Variants in HMBOX1 observed in about 807,000 individuals in gnomAD.
HMBOX1 encodes the protein homeobox-containing protein 1.
HMBOX1 carries 14 observed loss-of-function variants against 54.5 expected under a neutral mutation model. That is an observed-to-expected ratio of 0.26 (90% confidence interval 0.17 to 0.40). The LOEUF is 0.40. HMBOX1 is among the 10% of genes least tolerant of loss of function. The probability of loss-of-function intolerance (pLI) is 1.00; values close to 1 mark genes in which losing one functional copy is unlikely to be tolerated. For synonymous variants in HMBOX1, 160 were observed against 181.0 expected (o/e 0.88, Z 0.93); for missense variants, 332 against 514.4 (o/e 0.65, Z 3.43).
intron 1 of HMBOX1, among the ~76,000 whole-genome samples, chr8:28,950,229 G>C (rs1349530161): frequency 2.0e-5 from 3 of 152,088 alleles, no homozygotes; most frequent in South Asian, 2.1e-4. Flanking sequence ...AATTATCTTA[G>C]AAGCCGTTTA....
At position 28,973,822 on chromosome 8, in the gene HMBOX1, T is replaced by TTG. The variant is rs1563502057; in HGVS notation, c.500+3304_500+3305insGT. 3.1e-4 allele frequency among the ~76,000 whole-genome samples: 42 copies of TTG among 133,650 alleles called. 1 individual carries two copies. The highest frequency in any genetic ancestry group is 1.5e-3 in the Admixed American group (20 of 13,398). 87.7% of individuals were successfully genotyped at this position (133,650 alleles called of 152,430 possible). A position where few individuals can be genotyped will look rare whatever the true frequency, so the allele number is the denominator to read the frequency against. On this transcript the variant is annotated intron_variant, in intron 3 of 9. Transcript: ENST00000287701. ...AATGGAGTTTTTTTTTTTTTTTTTT[T>TTG]TTTTTTTTTTTTGAGACAGTCTCGC...
chr8:29,046,056 TTAAACA>T (rs1255618979), intron 7 of HMBOX1, among the ~76,000 whole-genome samples: 4 of 152,264 alleles, frequency 2.6e-5, no homozygotes, highest in Non-Finnish European at 5.9e-5. Context: ...ACAGATTTTG[TTAAACA>T]TAAACCATTT....
intron 4 of HMBOX1, among the ~76,000 whole-genome samples, chr8:29,008,373 T>C (rs2132828525): frequency 6.6e-6 from 1 of 152,316 alleles, no homozygotes; most frequent in South Asian, 2.1e-4. Flanking sequence ...TTCTTGGAGA[T>C]AGCAGAAAAC....
At chr8:28,963,515 G>A (rs1825951667) in intron 1 of HMBOX1, among the ~76,000 whole-genome samples, 1 of 152,156 alleles carries the variant, frequency 6.6e-6, no homozygotes, top group Non-Finnish European at 1.5e-5. Context: ...TAATCTTAGA[G>A]TTAATGGAAA....
chr8:28,982,591 A>C (rs947457387), intron 4 of HMBOX1, among the ~76,000 whole-genome samples: 4 of 151,480 alleles, frequency 2.6e-5, no homozygotes, highest in African/African-American at 9.7e-5. Context: ...CTGGGACTAC[A>C]GTTGTGCACC....
At chr8:28,946,792 A>G (rs1274227504) in intron 1 of HMBOX1, among the ~76,000 whole-genome samples, 2 of 152,196 alleles carry the variant, frequency 1.3e-5, no homozygotes, top group African/African-American at 2.4e-5. Flanking sequence ...CCATAGTACA[A>G]TGGGTACTTT....
chr8:28,892,468 C>T lies in HMBOX1; in HGVS notation c.-58+1790C>T, dbSNP rs149732881. Among the ~76,000 whole-genome samples, 495 of 152,122 alleles carry T rather than the reference C, an allele frequency of 3.3e-3. 3 individuals are homozygous for T. The highest frequency in any genetic ancestry group is 0.011 in the African/African-American group (468 of 41,510). ...TTATGTGACAATTTTTTTAGTGTAA[C>T]GGATTTTTAAAGTAAAGAAATTGGC... is the stretch of plus-strand genomic sequence containing the variant. On this transcript the variant is annotated intron_variant, in intron 1 of 9. Transcript: ENST00000287701.
chr8:28,982,812 C>G (rs1057315692), intron 4 of HMBOX1, among the ~76,000 whole-genome samples: 1 of 151,916 alleles, frequency 6.6e-6, no homozygotes, highest in Non-Finnish European at 1.5e-5. Context: ...TTGTGGTAGG[C>G]GGGGTTTCAC....
intron 1 of HMBOX1, among the ~76,000 whole-genome samples, chr8:28,955,616 A>G (rs898238867): frequency 1.3e-5 from 2 of 152,186 alleles, no homozygotes; most frequent in African/African-American, 4.8e-5. Flanking sequence ...GTATATTGTA[A>G]TTTAGCCATT....
At chr8:29,044,500 C>T (rs1035525055) in intron 6 of HMBOX1, among the ~76,000 whole-genome samples, 4 of 151,872 alleles carry the variant, frequency 2.6e-5, no homozygotes, top group Non-Finnish European at 5.9e-5. Flanking sequence ...TTAAAAAGTG[C>T]AAAAGTAATA....
At chr8:28,913,855 CTTTTTTT>C (rs1304959910) in intron 1 of HMBOX1, among the ~76,000 whole-genome samples, 1 of 101,338 alleles carries the variant, frequency 9.9e-6, no homozygotes, top group South Asian at 3.2e-4. Context: ...TCAAGTGATT[CTTTTTTT>C]TTTTTTTTTT....
intron 1 of HMBOX1, among the ~76,000 whole-genome samples, chr8:28,919,306 T>C (rs1333015705): frequency 1.3e-5 from 2 of 152,244 alleles, no homozygotes; most frequent in African/African-American, 4.8e-5. Flanking sequence ...CTGTATTTAT[T>C]TCAGTATTTA....
intron 3 of HMBOX1, among the ~76,000 whole-genome samples, chr8:28,977,429 G>A (rs1828581645): frequency 6.6e-6 from 1 of 152,042 alleles, no homozygotes; most frequent in Non-Finnish European, 1.5e-5. Context: ...AGTTATATTA[G>A]AAACCAAATG....
intron 6 of HMBOX1, among the ~76,000 whole-genome samples, chr8:29,032,910 C>T (rs550827442): frequency 1.3e-5 from 2 of 151,360 alleles, no homozygotes; most frequent in Admixed American, 1.3e-4. Context: ...GCATTCAAAT[C>T]AATTCGATGA....
At chr8:28,968,740 G>C (rs1180211482) in intron 2 of HMBOX1, among the ~76,000 whole-genome samples, 1 of 152,186 alleles carries the variant, frequency 6.6e-6, no homozygotes, top group Non-Finnish European at 1.5e-5. Flanking sequence ...GAAATTTCTT[G>C]ACATCTGTTT....
chr8:28,947,107 G>A (rs1563444267), intron 1 of HMBOX1, among the ~76,000 whole-genome samples: 2 of 152,190 alleles, frequency 1.3e-5, no homozygotes, highest in Non-Finnish European at 1.5e-5. Flanking sequence ...TAAGAAAGAT[G>A]TATGTTCCAC....
intron 1 of HMBOX1, among the ~76,000 whole-genome samples, chr8:28,959,970 A>G (rs1018860771): frequency 5.9e-5 from 9 of 151,684 alleles, no homozygotes; most frequent in Non-Finnish European, 1.0e-4. Flanking sequence ...CCCCAATACT[A>G]TGGCTGTATT....
At chr8:28,891,362 T>A (rs1810905425) in intron 1 of HMBOX1, 1 of 152,312 alleles carries the variant, frequency 6.6e-6, no homozygotes, top group African/African-American at 2.4e-5. Flanking sequence ...TTTTGCATCC[T>A]CAAGTCGGTA....
chr8:28,960,622 TA>T lies in HMBOX1; in HGVS notation c.-57-3180del, dbSNP rs566753638. Among the ~76,000 whole-genome samples, 234 of 151,078 alleles carry T rather than the reference TA, an allele frequency of 1.5e-3. 1 individual carries two copies. The highest frequency in any genetic ancestry group is 4.1e-3 in the African/African-American group (171 of 41,302). On this transcript the variant is annotated intron_variant, in intron 1 of 9. Coordinates refer to ENST00000287701, the MANE Select transcript of HMBOX1 (RefSeq NM_001135726.3). Reference sequence around the variant, plus strand: ...ACTGAAATAACTCATGTTTATACTTTAAAAAAAAATTATTAAAGTAGTTATG... The same window carrying T: ...ACTGAAATAACTCATGTTTATACTTTAAAAAAAATTATTAAAGTAGTTATG...
Sources: gnomAD v4.1 joint callset for allele counts (sites outside exome capture counted in the v4.1 genomes callset) on GRCh38, gnomAD v4.1.1 for gene constraint, MANE v1.5 for transcripts, NCBI Gene and HGNC (gene_info 2026-07-23, HGNC 2026-07-21) for gene names.